Variants in TMTC4 observed in about 807,000 individuals in gnomAD.
The protein encoded by TMTC4 is protein O-mannosyl-transferase TMTC4.
In TMTC4, 65 loss-of-function variants were observed where a neutral mutation model predicts 86.0. The ratio of observed to expected loss-of-function variants is 0.76; its 90% CI spans 0.62 to 0.93. The LOEUF (loss-of-function observed/expected upper bound fraction) is 0.93. TMTC4 is among the 40% of genes least tolerant of loss of function. The pLI is 0.00. For synonymous variants in TMTC4, 379 were observed against 382.5 expected (o/e 0.99, Z 0.11); for missense variants, 866 against 948.1 (o/e 0.91, Z 1.14).
intron 1 of TMTC4, among the ~76,000 whole-genome samples, chr13:100,672,024 C>A (rs9513782): frequency 0.15 from 22,202 of 152,194 alleles, 2,065 homozygotes; most frequent in Admixed American, 0.23. Context: ...TTCTAAGAAT[C>A]AATTTCCTCA....
intron 10 of TMTC4, among the ~76,000 whole-genome samples, chr13:100,636,031 T>C (rs1476433909): frequency 1.3e-5 from 2 of 152,250 alleles, no homozygotes; most frequent in East Asian, 3.8e-4. Context: ...AACAGTTTTC[T>C]TTTTCATGAA....
At chr13:100,633,675 A>G (rs1881767901) in intron 12 of TMTC4, among the ~76,000 whole-genome samples, 1 of 152,236 alleles carries the variant, frequency 6.6e-6, no homozygotes, top group South Asian at 2.1e-4. Context: ...GAACATCATA[A>G]GAGTGTACTT....
chr13:100,657,810 A>G (rs1397757486), intron 5 of TMTC4, among the ~76,000 whole-genome samples: 2 of 152,238 alleles, frequency 1.3e-5, no homozygotes, highest in African/African-American at 2.4e-5. Context: ...TGCAGTCAAT[A>G]GCTGAAACAG....
At chr13:100,637,390 T>G in intron 9 of TMTC4, 148 bp downstream of exon 9, 1 of 1,086,818 alleles carries the variant, frequency 9.2e-7, no homozygotes, top group East Asian at 2.5e-5. Flanking sequence ...CCAGAACATC[T>G]TTAGTGATCG....
chr13:100,631,155 A>G (rs776022375), intron 12 of TMTC4, among the ~76,000 whole-genome samples: 2 of 152,268 alleles, frequency 1.3e-5, no homozygotes, highest in Non-Finnish European at 2.9e-5. Context: ...TGTGATGCAC[A>G]TGCTGAGGCA....
At chr13:100,640,133 AG>A (rs1171086052) in intron 7 of TMTC4, among the ~76,000 whole-genome samples, 1 of 151,866 alleles carries the variant, frequency 6.6e-6, no homozygotes, top group Non-Finnish European at 1.5e-5. Context: ...ACTTCGTATT[AG>A]GGAAAGGTTC....
chr13:100,648,396 A>T (rs571336122), intron 6 of TMTC4, among the ~76,000 whole-genome samples: 4 of 152,338 alleles, frequency 2.6e-5, no homozygotes, highest in East Asian at 3.9e-4. Context: ...ATTTTGATAT[A>T]TCAAGGCAAA....
intron 17 of TMTC4, among the ~76,000 whole-genome samples, chr13:100,607,059 A>T (rs2153020811): frequency 6.6e-6 from 1 of 152,326 alleles, no homozygotes; most frequent in South Asian, 2.1e-4. Context: ...AAGGCAGGGC[A>T]AAGTGTCTTC....
chr13:100,615,773 T>G (rs537936362), intron 15 of TMTC4, among the ~76,000 whole-genome samples: 1 of 152,318 alleles, frequency 6.6e-6, no homozygotes, highest in African/African-American at 2.4e-5. Flanking sequence ...TATTTTAGAT[T>G]CAGAATGTAC....
intron 17 of TMTC4, among the ~76,000 whole-genome samples, chr13:100,609,753 T>C (rs1180242368): frequency 2.6e-5 from 4 of 151,724 alleles, no homozygotes; most frequent in Non-Finnish European, 5.9e-5. Flanking sequence ...GCAAATTAAG[T>C]TGTTGTGCAT....
intron 1 of TMTC4, among the ~76,000 whole-genome samples, chr13:100,671,130 ATC>A (rs1441550964): frequency 6.6e-6 from 1 of 152,182 alleles, no homozygotes; most frequent in African/African-American, 2.4e-5. Context: ...TTTTGACGTT[ATC>A]TGTTTTATTG....
At chr13:100,617,504 G>A (rs1465411038) in intron 15 of TMTC4, among the ~76,000 whole-genome samples, 1 of 152,154 alleles carries the variant, frequency 6.6e-6, no homozygotes, top group African/African-American at 2.4e-5. Flanking sequence ...TAATGTTTGT[G>A]TTTTGTGAAA....
rs913451986 is a variant in TMTC4, at chr13:100,605,182, G to A, written c.2135-40C>T. On this transcript the variant is annotated intron_variant, in intron 18 of 18. Coordinates refer to ENST00000342624, the MANE Select transcript of TMTC4 (RefSeq NM_032813.5). This position sits in a 1 kb window ranked among gnomAD's most constrained non-coding sequence, Gnocchi z 4.3. ...GATAAATTTCACTGGGAATGCTTCT[G>A]AGTAACGTGCCGTATTCCTACCCTC... is the stretch of plus-strand genomic sequence containing the variant. The A allele has an allele frequency of 6.3e-7, 1 of 1,595,340 alleles. No homozygotes were observed. The highest frequency in any genetic ancestry group is 1.3e-5 in the African/African-American group (1 of 74,212).
intron 9 of TMTC4, among the ~76,000 whole-genome samples, chr13:100,637,239 C>T (rs1463144200): frequency 1.3e-5 from 2 of 152,034 alleles, no homozygotes; most frequent in African/African-American, 4.8e-5. Flanking sequence ...TTAACCCAGC[C>T]ACAGGGTTAG....
chr13:100,650,370 G>A (rs983217799), intron 6 of TMTC4, among the ~76,000 whole-genome samples: 2 of 152,248 alleles, frequency 1.3e-5, no homozygotes, highest in Admixed American at 1.3e-4. Context: ...ACACCCACAA[G>A]TGCCAGCAGA....
At chr13:100,620,936 C>T (rs1879376222) in intron 15 of TMTC4, among the ~76,000 whole-genome samples, 1 of 152,170 alleles carries the variant, frequency 6.6e-6, no homozygotes, top group African/African-American at 2.4e-5. Context: ...GCTCTTAATG[C>T]TTTTAAGCTG....
chr13:100,606,571 G>C (rs1876631400), intron 17 of TMTC4, 144 bp from the exon 18 acceptor site: 1 of 660,636 alleles, frequency 1.5e-6, no homozygotes, highest in Non-Finnish European at 2.6e-6. Context: ...GGAAGGCCCA[G>C]CGGGGCCACG....
At chr13:100,650,419 A>C (rs1466240391) in intron 6 of TMTC4, among the ~76,000 whole-genome samples, 1 of 152,160 alleles carries the variant, frequency 6.6e-6, no homozygotes, top group Non-Finnish European at 1.5e-5. Context: ...CGGATTTGGC[A>C]CTCCTTTCCA....
At position 100,635,081 on chromosome 13, in the gene TMTC4, C is replaced by T. The variant is rs1378942416; in HGVS notation, c.1317G>A (p.Gly439=). The T allele has an allele frequency of 6.2e-7, 1 of 1,613,984 alleles. No individual in the cohort carries two copies. Among genetic ancestry groups the T allele is most frequent in the East Asian group, 2.2e-5 (1 of 44,898 alleles). Residue 439 remains glycine (G), a synonymous_variant, in exon 11 of 19, where the codon GGG becomes GGA. Coordinates refer to ENST00000342624, the MANE Select transcript of TMTC4 (RefSeq NM_032813.5). ...AERVLYLPSV[G]YCVLLTFGFG... Reference sequence around the variant, plus strand: ...ATCCAAAAGTCAGCAGCACACAGTACCCAACGCTGGGGAGGTAGAGGACAC... The same window carrying T: ...ATCCAAAAGTCAGCAGCACACAGTATCCAACGCTGGGGAGGTAGAGGACAC...
Sources: gnomAD v4.1 joint callset for allele counts (sites outside exome capture counted in the v4.1 genomes callset) on GRCh38, gnomAD v4.1.1 for gene constraint, Gnocchi (gnomAD v3.1) non-coding constraint, MANE v1.5 for transcripts, NCBI Gene and HGNC (gene_info 2026-07-23, HGNC 2026-07-21) for gene names.